The following PLCB1 variants were observed in gnomAD, a reference collection of about 807,000 sequenced individuals.
PLCB1 encodes the protein phospholipase C beta 1.
PLCB1 carries 46 observed loss-of-function variants against 161.8 expected under a neutral mutation model. The observed-to-expected ratio is 0.28, with a 90% CI of 0.22 to 0.36. The LOEUF (loss-of-function observed/expected upper bound fraction) is 0.36. Ranked by LOEUF, PLCB1 falls within the 10% of genes least tolerant of loss-of-function variation. The pLI, the probability that PLCB1 is intolerant of heterozygous loss-of-function variation, is 1.00. For missense variants in PLCB1, 1,016 were observed against 1,472.5 expected (o/e 0.69, Z 5.07); for synonymous variants, 517 against 503.7 (o/e 1.03, Z -0.35).
intron 2 of PLCB1, among the ~76,000 whole-genome samples, chr20:8,337,647 T>A (rs1985633834): frequency 6.6e-6 from 1 of 152,222 alleles, no homozygotes; most frequent in Admixed American, 6.5e-5. Flanking sequence ...AAATTCATAA[T>A]GATAATTTGG....
intron 3 of PLCB1, among the ~76,000 whole-genome samples, chr20:8,506,227 T>C (rs1229277434): frequency 6.6e-6 from 1 of 152,236 alleles, no homozygotes; most frequent in African/African-American, 2.4e-5. Context: ...CTATTGGCCA[T>C]CTGGCCAGTA....
At chr20:8,652,119 A>T (rs1246364311) in intron 7 of PLCB1, 2 of 152,180 alleles carry the variant, frequency 1.3e-5, no homozygotes, top group African/African-American at 4.8e-5. Context: ...GCAGTCAATA[A>T]ATACACATTG....
chr20:8,655,351 G>A (rs1370363766), intron 7 of PLCB1, among the ~76,000 whole-genome samples: 2 of 152,094 alleles, frequency 1.3e-5, no homozygotes, highest in African/African-American at 4.8e-5. Context: ...CCTACTGTAT[G>A]TGGCACACTG....
intron 3 of PLCB1, among the ~76,000 whole-genome samples, chr20:8,426,443 A>G (rs1979778703): frequency 6.6e-6 from 1 of 152,218 alleles, no homozygotes; most frequent in Non-Finnish European, 1.5e-5. Flanking sequence ...AGACCACAAA[A>G]TTGAAGCTCA....
intron 3 of PLCB1, among the ~76,000 whole-genome samples, chr20:8,577,437 CAAAAAAAAAA>C (rs11289640): frequency 1.1e-5 from 1 of 94,038 alleles, no homozygotes; most frequent in Admixed American, 1.0e-4. Context: ...GACCCTGTCT[CAAAAAAAAAA>C]AAAAAAAAAG....
chr20:8,515,106 G>A (rs968168769), intron 3 of PLCB1, among the ~76,000 whole-genome samples: 1 of 152,142 alleles, frequency 6.6e-6, no homozygotes, highest in African/African-American at 2.4e-5. Context: ...AAGGTAAAAT[G>A]TTAAAATCAA....
chr20:8,645,061 G>A (rs1004111934), intron 4 of PLCB1, among the ~76,000 whole-genome samples: 1 of 152,022 alleles, frequency 6.6e-6, no homozygotes, highest in Non-Finnish European at 1.5e-5. Flanking sequence ...GTCCACTCAG[G>A]GTTAAATGGA....
intron 31 of PLCB1, among the ~76,000 whole-genome samples, chr20:8,806,948 G>A (rs528382160): frequency 6.6e-6 from 1 of 152,096 alleles, no homozygotes; most frequent in Admixed American, 6.6e-5. Flanking sequence ...ACTGCTTTGG[G>A]CTAAATTATG....
At chr20:8,189,048 T>G (rs942592380) in intron 2 of PLCB1, among the ~76,000 whole-genome samples, 2 of 152,054 alleles carry the variant, frequency 1.3e-5, no homozygotes, top group African/African-American at 4.8e-5. Flanking sequence ...CCTATCCTGC[T>G]CCTGATAACC....
intron 2 of PLCB1, among the ~76,000 whole-genome samples, chr20:8,238,840 T>C (rs1980456767): frequency 6.8e-6 from 1 of 147,826 alleles, no homozygotes; most frequent in Admixed American, 6.7e-5. Context: ...TTAGGGATGG[T>C]GGAGTCCATT....
intron 31 of PLCB1, among the ~76,000 whole-genome samples, chr20:8,842,335 G>A (rs538564977): frequency 2.0e-5 from 3 of 152,230 alleles, no homozygotes; most frequent in African/African-American, 7.2e-5. Context: ...TCTTGCTAAT[G>A]ATTACTGATT....
intron 25 of PLCB1, among the ~76,000 whole-genome samples, 153 bp downstream of exon 25, chr20:8,760,613 G>A (rs1981972175): frequency 6.6e-6 from 1 of 152,102 alleles, no homozygotes. Context: ...TTTTAGTTTA[G>A]TCTACATGAT....
At chr20:8,309,896 A>C (rs1216682896) in intron 2 of PLCB1, among the ~76,000 whole-genome samples, 3 of 152,156 alleles carry the variant, frequency 2.0e-5, no homozygotes, top group African/African-American at 7.2e-5. Context: ...GAAATAAAGC[A>C]CCCAGGGAAT....
chr20:8,734,079 G>A (rs1427121890), intron 19 of PLCB1, among the ~76,000 whole-genome samples: 3 of 133,112 alleles, frequency 2.3e-5, no homozygotes, highest in African/African-American at 8.5e-5. Flanking sequence ...AGAGAGCCCA[G>A]ATCGCGCCAC....
At chr20:8,285,954 T>G (rs539857831) in intron 2 of PLCB1, among the ~76,000 whole-genome samples, 1 of 152,370 alleles carries the variant, frequency 6.6e-6, no homozygotes, top group South Asian at 2.1e-4. Flanking sequence ...TTTTCAGGGC[T>G]GGATACATTA....
At chr20:8,279,628 A>G (rs930314998) in intron 2 of PLCB1, among the ~76,000 whole-genome samples, 2 of 152,200 alleles carry the variant, frequency 1.3e-5, no homozygotes, top group African/African-American at 4.8e-5. Context: ...TACCATAATA[A>G]AAAAACAAAT....
intron 3 of PLCB1, among the ~76,000 whole-genome samples, chr20:8,433,374 T>C (rs1039377868): frequency 7.2e-5 from 11 of 152,148 alleles, no homozygotes; most frequent in African/African-American, 2.7e-4. Flanking sequence ...GCCTGAGGGC[T>C]TAAGTTTGGG....
intron 2 of PLCB1, among the ~76,000 whole-genome samples, chr20:8,152,274 C>T (rs1472831114): frequency 2.0e-5 from 3 of 150,796 alleles, no homozygotes; most frequent in African/African-American, 7.4e-5. Context: ...TCTTAGAATC[C>T]AAAAGATGAG....
intron 31 of PLCB1, among the ~76,000 whole-genome samples, chr20:8,872,395 T>G (rs1987638516): frequency 6.6e-6 from 1 of 152,194 alleles, no homozygotes; most frequent in Non-Finnish European, 1.5e-5. Context: ...ATTTCACTCC[T>G]CATCTTTAGA....
Sources: allele counts gnomAD v4.1 joint callset (sites outside exome capture counted in the v4.1 genomes callset), GRCh38; gene constraint gnomAD v4.1.1; transcripts MANE v1.5; gene names NCBI Gene and HGNC (gene_info 2026-07-23, HGNC 2026-07-21).